Variants in SETD5 observed in about 807,000 individuals in gnomAD.
SETD5 encodes SET domain containing 5, also known as histone-lysine N-methyltransferase SETD5.
In SETD5, 44 loss-of-function variants were observed where a neutral mutation model predicts 153.3. The ratio of observed to expected loss-of-function variants is 0.29; its 90% CI spans 0.23 to 0.37. The LOEUF (loss-of-function observed/expected upper bound fraction) is 0.37, where lower values mean the gene tolerates loss of function less well. Ranked by LOEUF, SETD5 falls within the 10% of genes least tolerant of loss-of-function variation. The pLI, the probability that SETD5 is intolerant of heterozygous loss-of-function variation, is 1.00. For missense variants in SETD5, 1,544 were observed against 1,768.0 expected (o/e 0.87, Z 2.27); for synonymous variants, 716 against 645.2 (o/e 1.11, Z -1.66).
At chr3:9,427,612 C>T (rs1230447011) in intron 2 of SETD5, among the ~76,000 whole-genome samples, 1 of 152,118 alleles carries the variant, frequency 6.6e-6, no homozygotes, top group East Asian at 1.9e-4. Flanking sequence ...ATGTACTTTT[C>T]ATTCCTTTAG....
rs200111947 is a variant in SETD5 at position 9,453,805 on chromosome 3, A to G, written c.2413A>G (p.Thr805Ala). 2.5e-6 allele frequency: 4 copies of G among 1,609,546 alleles called. No individual in the cohort carries two copies. The highest frequency in any genetic ancestry group is 3.4e-6 in the Non-Finnish European group (4 of 1,178,706). ...QTSSVPQETR[T>A]QHLYQSNENS... ...ATCATCTGTACCCCAAGAGACTAGA[A>G]CTCAGCACCTATACCAAAGCAATGA... is the stretch of plus-strand genomic sequence containing the variant. Residue 805 changes from threonine to alanine, a missense_variant, in exon 17 of 23, where the codon ACT becomes GCT. Physicochemically the swap from Thr to Ala is moderately conservative, Grantham distance 58. Around this residue, in one of 9 missense-constraint regions of SETD5, gnomAD observed 782 missense variants for 787.2 expected, o/e 0.99. Transcript: ENST00000402198.
intron 18 of SETD5, among the ~76,000 whole-genome samples, chr3:9,470,022 A>G (rs192870321): frequency 6.6e-6 from 1 of 152,140 alleles, no homozygotes; most frequent in Non-Finnish European, 1.5e-5. Context: ...TTCCATCAAT[A>G]TTAATTTAGA....
Position 9,470,651 on chromosome 3 carries a change from T to G in SETD5, c.2917T>G (p.Ser973Ala). 6.2e-7 allele frequency: 1 copy of G among 1,613,950 alleles called. No individual in the cohort carries two copies. Among genetic ancestry groups the G allele is most frequent in the African/African-American group, 1.3e-5 (1 of 75,040 alleles). The change falls in exon 19 of 23, where the codon TCA becomes GCA. Residue 973 changes from serine to alanine, a missense_variant. By Grantham distance (99) the Ser-to-Ala change is moderately conservative (BLOSUM62 1). This residue lies in a region of SETD5 where 782 missense variants were observed against 787.2 expected (regional missense o/e 0.99). Transcript: ENST00000402198. ...GDGHQTLVRN[S>A]DQAFRTEFNL... ...TGGACATCAGACCCTCGTGAGAAAC[T>G]CAGACCAGGCATTTCGGACAGAGTT...
intron 17 of SETD5, among the ~76,000 whole-genome samples, chr3:9,461,649 C>G (rs548132056): frequency 7.9e-5 from 12 of 152,240 alleles, no homozygotes; most frequent in African/African-American, 2.6e-4. Flanking sequence ...GACATCAGGT[C>G]TCTTGTTGAA....
chr3:9,447,620 A>G (rs1481507103), intron 14 of SETD5, 66 bp from the exon 15 acceptor site: 13 of 1,511,174 alleles, frequency 8.6e-6, no homozygotes, highest in Non-Finnish European at 9.9e-6. Flanking sequence ...CTTAAAGTGA[A>G]TAGGAAATTA....
chr3:9,449,850 A>T (rs1055475260), intron 16 of SETD5, among the ~76,000 whole-genome samples: 1 of 152,248 alleles, frequency 6.6e-6, no homozygotes, highest in Non-Finnish European at 1.5e-5. Context: ...AAACGCTCGT[A>T]GAATTCCTAA....
chr3:9,429,814 T>A (rs1253282839), intron 3 of SETD5: 7 of 1,302,584 alleles, frequency 5.4e-6, no homozygotes, highest in Non-Finnish European at 7.1e-6. Context: ...TACCCAATCT[T>A]CCTTGCTTAC....
At position 9,476,806 on chromosome 3, in the gene SETD5, T is replaced by G. The variant is rs1311638353; in HGVS notation, c.*715T>G. 1.3e-5 allele frequency: 2 copies of G among 152,560 alleles called. No individual in the cohort carries two copies. The highest frequency in any genetic ancestry group is 2.9e-5 in the Non-Finnish European group (2 of 68,060). The allele number at this position is 152,560 out of a possible 1,614,324, so 9.5% of individuals were successfully genotyped here. A position where few individuals can be genotyped will look rare whatever the true frequency, so the allele number is the denominator to read the frequency against. On this transcript the variant is annotated 3_prime_UTR_variant, in exon 23 of 23. Transcript: ENST00000402198. ...AGTAGATTGTCTGAGCCTCCAACTG[T>G]TACCATCCTACTCCCCCTTCCCAAG...
At chr3:9,442,345 TAATA>T in intron 10 of SETD5, 100 bp downstream of exon 10, 2 of 825,214 alleles carry the variant, frequency 2.4e-6, no homozygotes, top group South Asian at 3.0e-5. Flanking sequence ...GGTCTGTAGA[TAATA>T]GTCGTGATAT....
At chr3:9,448,724 GTTCTCT>G in intron 16 of SETD5, 94 bp downstream of exon 16, 1 of 1,280,566 alleles carries the variant, frequency 7.8e-7, no homozygotes, top group South Asian at 1.7e-5. Flanking sequence ...TAAATAAAAT[GTTCTCT>G]AGATAGCCAC....
intron 1 of SETD5, among the ~76,000 whole-genome samples, chr3:9,404,814 G>T (rs574967776): frequency 2.1e-4 from 32 of 152,258 alleles, no homozygotes; most frequent in African/African-American, 7.2e-4. Context: ...GATTCCAAAG[G>T]TTTTGATAAC....
At chr3:9,455,168 C>CTTTTTTTTTTTTTTTTTTTTTT (rs903600741) in intron 17 of SETD5, among the ~76,000 whole-genome samples, 6 of 99,916 alleles carry the variant, frequency 6.0e-5, no homozygotes, top group East Asian at 2.9e-4. Flanking sequence ...TTCTTTTTTT[C>CTTTTTTTTTTTTTTTTTTTTTT]TTTTTTTTTT....
chr3:9,453,694 G>A (rs1298886083), intron 16 of SETD5, 45 bp from the exon 17 acceptor site: 2 of 1,540,386 alleles, frequency 1.3e-6, no homozygotes, highest in South Asian at 2.5e-5. Flanking sequence ...GCACTAAATA[G>A]TTTTAGATAA....
intron 7 of SETD5, among the ~76,000 whole-genome samples, chr3:9,436,461 C>G (rs905135631): frequency 7.2e-5 from 11 of 152,206 alleles, no homozygotes; most frequent in Non-Finnish European, 1.6e-4. Context: ...TTTGTTGCTT[C>G]TAGGTGACTT....
intron 2 of SETD5, among the ~76,000 whole-genome samples, chr3:9,425,059 T>C (rs1445055975): frequency 2.9e-5 from 4 of 139,890 alleles, no homozygotes; most frequent in South Asian, 2.2e-4. Context: ...ATGTTTCTTT[T>C]TTTTTTTTTT....
intron 17 of SETD5, among the ~76,000 whole-genome samples, chr3:9,463,938 G>A (rs779318116): frequency 1.3e-5 from 2 of 152,234 alleles, no homozygotes; most frequent in African/African-American, 2.4e-5. Flanking sequence ...GACCAGCCTG[G>A]CAAACGTGGT....
chr3:9,442,362 C>A, intron 10 of SETD5, 117 bp downstream of exon 10: 1 of 732,404 alleles, frequency 1.4e-6, no homozygotes, highest in Non-Finnish European at 2.3e-6. Context: ...CGTGATATTT[C>A]ATCGTGGGAG....
rs755605294 is a variant in SETD5, at chr3:9,447,795, A to G, written c.1892A>G (p.Lys631Arg). 5 of 1,614,044 alleles carry G rather than the reference A, an allele frequency of 3.1e-6. No individual in the cohort carries two copies. In the East Asian group the frequency reaches 1.1e-4, roughly 36 times the overall value. The change falls in exon 15 of 23, where the codon AAG becomes AGG. Residue 631 changes from lysine to arginine, a missense_variant. Lys to Arg is a conservative substitution (Grantham distance 26). Transcript: ENST00000402198. ...AGGACCAGTTCAGCCCAAAGACTAA[A>G]GCGTCAGAAGCAGGCCAATGCACAG... Reference protein sequence around the residue: ...RYRTSSAQRLKRQKQANAQQA... With the variant: ...RYRTSSAQRLRRQKQANAQQA...
intron 16 of SETD5, chr3:9,449,418 T>G (rs2042381668): frequency 6.6e-6 from 1 of 152,210 alleles, no homozygotes; most frequent in Non-Finnish European, 1.5e-5. Context: ...GGACACCCTT[T>G]CATTTGGTCT....
Sources: gnomAD v4.1 joint callset for allele counts (sites outside exome capture counted in the v4.1 genomes callset) on GRCh38, gnomAD v4.1.1 for gene constraint, gnomAD v4.1.1 regional missense constraint, MANE v1.5 for transcripts, NCBI Gene and HGNC (gene_info 2026-07-23, HGNC 2026-07-21) for gene names.